CDK14: variants seen among roughly 807,000 people sequenced by gnomAD.
The protein encoded by CDK14 is cyclin-dependent kinase 14.
In CDK14, 34 loss-of-function variants were observed where a neutral mutation model predicts 60.7. That is an observed-to-expected ratio of 0.56 (90% CI 0.43 to 0.75). The LOEUF is 0.75. Among genes scored for constraint, CDK14 ranks in the 30% least tolerant of loss-of-function variants. The pLI, the probability that CDK14 is intolerant of heterozygous loss-of-function variation, is 0.00. For missense variants in CDK14, 482 were observed against 564.1 expected (o/e 0.85, Z 1.47); for synonymous variants, 197 against 203.7 (o/e 0.97, Z 0.28).
At chr7:91,161,473 A>G (rs1018674705) in intron 14 of CDK14, among the ~76,000 whole-genome samples, 7 of 152,244 alleles carry the variant, frequency 4.6e-5, no homozygotes, top group Admixed American at 3.9e-4. Context: ...GTGTTTTTCT[A>G]CACTACCAGA....
At chr7:90,614,427 C>T (rs1350117932) in intron 2 of CDK14, among the ~76,000 whole-genome samples, 1 of 111,084 alleles carries the variant, frequency 9.0e-6, no homozygotes, top group Non-Finnish European at 1.9e-5. Flanking sequence ...TAGGTCTCAT[C>T]AGCGTCTTAA....
At chr7:90,849,200 A>ATTTTATTTTTCTTGTTCATGCAT (rs1562797399) in intron 5 of CDK14, among the ~76,000 whole-genome samples, 2 of 151,944 alleles carry the variant, frequency 1.3e-5, no homozygotes, top group African/African-American at 4.8e-5. Flanking sequence ...TTTAAAAAGG[A>ATTTTATTTTTCTTGTTCATGCAT]GCCTGATACC....
rs555364255 is a variant in CDK14, at chr7:91,099,793, A to T, written c.1155-12749A>T. Among the ~76,000 whole-genome samples, 7 of 152,278 alleles carry T rather than the reference A, an allele frequency of 4.6e-5. No homozygotes were observed. In the East Asian group the frequency reaches 1.3e-3, roughly 29 times the overall value. ...GTGTGGTTATGAAGGTCTAGTGCTT[A>T]TTATAGATAGGCTATAACTGTAAAT... On this transcript the variant is annotated intron_variant, in intron 12 of 14. Transcript: ENST00000380050.
chr7:91,062,046 A>C (rs1165356702), intron 11 of CDK14, among the ~76,000 whole-genome samples: 1 of 152,080 alleles, frequency 6.6e-6, no homozygotes, highest in Non-Finnish European at 1.5e-5. Context: ...GATGGGCTCC[A>C]CCCAGTTCGA....
intron 8 of CDK14, among the ~76,000 whole-genome samples, chr7:90,946,562 G>T (rs1290318019): frequency 6.6e-6 from 1 of 151,690 alleles, no homozygotes; most frequent in Non-Finnish European, 1.5e-5. Context: ...CTCAATAATC[G>T]CCTCATTAAT....
At chr7:90,785,680 G>A (rs549532047) in intron 4 of CDK14, among the ~76,000 whole-genome samples, 3 of 151,442 alleles carry the variant, frequency 2.0e-5, no homozygotes, top group Non-Finnish European at 4.4e-5. Context: ...CCAGCTACTC[G>A]GGAGGCTGAG....
intron 2 of CDK14, among the ~76,000 whole-genome samples, chr7:90,658,512 C>T (rs1444544003): frequency 6.6e-6 from 1 of 152,196 alleles, no homozygotes; most frequent in African/African-American, 2.4e-5. Context: ...TTACAACATA[C>T]GGATTTTGGA....
intron 14 of CDK14, among the ~76,000 whole-genome samples, chr7:91,200,689 A>G (rs894138235): frequency 2.0e-5 from 3 of 152,204 alleles, no homozygotes; most frequent in Non-Finnish European, 2.9e-5. Flanking sequence ...TATCTACTCC[A>G]GTGGTCACTG....
At chr7:90,747,902 T>TC (rs1178940167) in intron 4 of CDK14, 127 bp downstream of exon 4, 13 of 271,954 alleles carry the variant, frequency 4.8e-5, no homozygotes, top group Middle Eastern at 2.6e-3. Context: ...GGTATCCTTT[T>TC]TTTTTTTTTT....
chr7:90,698,067 C>CAAAAAAAA (rs71104484), intron 2 of CDK14, among the ~76,000 whole-genome samples: 17 of 75,692 alleles, frequency 2.2e-4, no homozygotes, highest in African/African-American at 5.6e-4. Flanking sequence ...GACTCTGTCT[C>CAAAAAAAA]AAAAAAAAAA....
At chr7:91,042,353 T>A (rs1797115506) in intron 10 of CDK14, among the ~76,000 whole-genome samples, 1 of 152,060 alleles carries the variant, frequency 6.6e-6, no homozygotes, top group Admixed American at 6.5e-5. Context: ...GTAGCATTTC[T>A]CCCTGCACCC....
chr7:91,208,089 T>C lies in CDK14; in HGVS notation c.*953T>C, dbSNP rs536086903. On this transcript the variant is annotated 3_prime_UTR_variant, in exon 15 of 15. Transcript: ENST00000380050. ...TCTTGGCCTGTTAGGGCTTACAAAG[T>C]AAATTACAAAGTGATCCAGTTCAAA... 2.6e-5 allele frequency: 4 copies of C among 152,574 alleles called. No individual in the cohort carries two copies. Among genetic ancestry groups the C allele is most frequent in the Non-Finnish European group, 5.9e-5 (4 of 68,012 alleles). 9.5% of individuals were successfully genotyped at this position (152,574 alleles called of 1,614,324 possible).
At chr7:90,736,344 GTTTTTGTTTTTTTT>G (rs1474620096) in intron 3 of CDK14, among the ~76,000 whole-genome samples, 6 of 41,036 alleles carry the variant, frequency 1.5e-4, no homozygotes, top group Admixed American at 6.1e-4. Context: ...ACTTTATTAT[GTTTTTGTTTTTTTT>G]TTTTTTTTTT....
At chr7:90,683,779 C>T (rs372678728) in intron 2 of CDK14, among the ~76,000 whole-genome samples, 24 of 152,148 alleles carry the variant, frequency 1.6e-4, no homozygotes, top group African/African-American at 5.3e-4. Context: ...CCAGCCTGGG[C>T]GACAGAGCGA....
At chr7:90,624,693 G>A (rs1173097469) in intron 2 of CDK14, among the ~76,000 whole-genome samples, 1 of 152,206 alleles carries the variant, frequency 6.6e-6, no homozygotes, top group Non-Finnish European at 1.5e-5. Context: ...GAAGGATTTA[G>A]CATTAGATAT....
chr7:90,957,434 A>G (rs1013071307), intron 9 of CDK14, among the ~76,000 whole-genome samples: 2 of 152,142 alleles, frequency 1.3e-5, no homozygotes, highest in Non-Finnish European at 2.9e-5. Flanking sequence ...AGACGACATG[A>G]TTATATATCT....
chr7:91,036,527 A>T (rs554550563), intron 10 of CDK14, among the ~76,000 whole-genome samples: 22 of 151,940 alleles, frequency 1.4e-4, no homozygotes, highest in African/African-American at 5.1e-4. Context: ...TGTCACCTCC[A>T]TGTCTTCCAC....
intron 2 of CDK14, among the ~76,000 whole-genome samples, chr7:90,689,208 C>T (rs1416580724): frequency 6.6e-6 from 1 of 152,042 alleles, no homozygotes; most frequent in East Asian, 1.9e-4. Flanking sequence ...ACTTGTGGAG[C>T]TCTTAAAGGG....
intron 8 of CDK14, among the ~76,000 whole-genome samples, chr7:90,955,426 TTG>T (rs1794382375): frequency 6.6e-6 from 1 of 152,208 alleles, no homozygotes; most frequent in African/African-American, 2.4e-5. Context: ...TTATGATAGT[TTG>T]TGAATTATTT....
Sources: gnomAD v4.1 joint callset for allele counts (sites outside exome capture counted in the v4.1 genomes callset) on GRCh38, gnomAD v4.1.1 for gene constraint, MANE v1.5 for transcripts, NCBI Gene and HGNC (gene_info 2026-07-23, HGNC 2026-07-21) for gene names.